Variants in PLCZ1 observed in about 807,000 individuals in gnomAD.
PLCZ1 encodes phospholipase C zeta 1.
In PLCZ1, 64 loss-of-function variants were observed where a neutral mutation model predicts 76.8. The observed-to-expected ratio is 0.83, with a 90% confidence interval of 0.68 to 1.03. The LOEUF (loss-of-function observed/expected upper bound fraction) is 1.03. PLCZ1 is among the 50% of genes least tolerant of loss of function. The pLI is 0.00. For synonymous variants in PLCZ1, 248 were observed against 230.8 expected (o/e 1.07, Z -0.68); for missense variants, 751 against 713.7 (o/e 1.05, Z -0.60).
intron 12 of PLCZ1, 77 bp from the exon 13 acceptor site, chr12:18,688,295 G>A (rs113335959): frequency 2.7e-6 from 4 of 1,462,250 alleles, no homozygotes; most frequent in Non-Finnish European, 2.8e-6. Flanking sequence ...ATTAAGTTAT[G>A]TATTACAAAA....
intron 2 of PLCZ1, chr12:18,736,817 T>G (rs1004405209): frequency 1.8e-6 from 1 of 540,596 alleles, no homozygotes; most frequent in Non-Finnish European, 3.3e-6. Context: ...CTACTTAGTG[T>G]TCAATAAATA....
At chr12:18,701,479 T>G (rs756009060) in intron 9 of PLCZ1, 22 bp downstream of exon 9, 76 of 1,613,910 alleles carry the variant, frequency 4.7e-5, no homozygotes, top group Non-Finnish European at 6.4e-5. Flanking sequence ...ACTTGTAAGA[T>G]TTTCACAAAA....
the PLCZ1 span, among the ~76,000 whole-genome samples, chr12:18,672,767 C>T: frequency 6.6e-6 from 1 of 152,150 alleles, no homozygotes; most frequent in African/African-American, 2.4e-5. Context: ...TCCCTTCAAC[C>T]TCCTGGTAGG....
rs771209382 is a variant in PLCZ1 at position 18,701,530 on chromosome 12, G to T, written c.988C>A (p.Pro330Thr). 6.2e-7 allele frequency: 1 copy of T among 1,613,674 alleles called. No homozygotes were observed. The highest frequency in any genetic ancestry group is 1.3e-5 in the African/African-American group (1 of 74,892). ...TTTTTCTTGAAAAGCATTACTCCAG[G>T]TAACTTTTTTACCCCTGTTTCCTTG... The part of the protein sequence containing the change: ...QDKETGVKKL[P>T]GVMLFKKKKT... Residue 330 changes from proline to threonine, a missense_variant, in exon 9 of 15, where the codon CCT (proline) becomes ACT (threonine). By Grantham distance (38) the Pro-to-Thr change is conservative. Coordinates refer to ENST00000266505, the MANE Select transcript of PLCZ1 (RefSeq NM_033123.4).
intron 6 of PLCZ1, among the ~76,000 whole-genome samples, chr12:18,707,141 C>T (rs1266778952): frequency 6.6e-6 from 1 of 152,182 alleles, no homozygotes; most frequent in Admixed American, 6.5e-5. Flanking sequence ...AGAATAATCT[C>T]CCCATCTAGA....
intron 3 of PLCZ1, chr12:18,730,974 A>G (rs1390513846): frequency 6.6e-6 from 1 of 152,098 alleles, no homozygotes; most frequent in African/African-American, 2.4e-5. Context: ...TTAGCCATGA[A>G]TCGATTAAAA....
Position 18,683,324 on chromosome 12 carries a change from C to A in PLCZ1, c.1742G>T (p.Gly581Val). ...YTLPLLCMNK[G>V]YRRIPLFSRM... Reference sequence around the variant, plus strand: ...GGAAAACAGAGGAATACGACGATAACCTGCAAAAGGAATTATATCTAATTA... The same window carrying A: ...GGAAAACAGAGGAATACGACGATAAACTGCAAAAGGAATTATATCTAATTA... Residue 581 changes from glycine to valine, a missense_variant and splice_region_variant, in exon 15 of 15, where the codon GGT (glycine) becomes GTT (valine). Transcript: ENST00000266505. 6.2e-7 allele frequency: 1 copy of A among 1,612,106 alleles called. No individual in the cohort carries two copies. Among genetic ancestry groups the A allele is most frequent in the Non-Finnish European group, 8.5e-7 (1 of 1,178,706 alleles).
chr12:18,704,680 T>C (rs1408461727), intron 7 of PLCZ1, among the ~76,000 whole-genome samples: 1 of 151,966 alleles, frequency 6.6e-6, no homozygotes, highest in Non-Finnish European at 1.5e-5. Context: ...GTCCTGATGG[T>C]AGATGTGGAC....
chr12:18,705,237 GCAAA>G lies in PLCZ1; in HGVS notation c.789_792del (p.Leu264ArgfsTer26). The stretch of plus-strand genomic sequence containing the variant: ...AGCAAGGACTCTCCAAAAGTAGCCT[GCAAA>G]TTGTCTGCCATTACTTCTTGTTGGG... On this transcript the variant is annotated frameshift_variant, in exon 7 of 15. Coordinates refer to ENST00000266505, the MANE Select transcript of PLCZ1 (RefSeq NM_033123.4). LOFTEE classifies it high-confidence loss of function. 1 of 1,614,020 alleles carries G rather than the reference GCAAA, an allele frequency of 6.2e-7. No individual in the cohort carries two copies. The highest frequency in any genetic ancestry group is 8.5e-7 in the Non-Finnish European group (1 of 1,179,974).
intron 3 of PLCZ1, among the ~76,000 whole-genome samples, chr12:18,729,744 TA>T (rs1958941887): frequency 6.6e-6 from 1 of 152,060 alleles, no homozygotes; most frequent in African/African-American, 2.4e-5. Flanking sequence ...TAAAGGGATT[TA>T]AAAAATCTTA....
Position 18,721,365 on chromosome 12 carries a change from C to T in PLCZ1, c.368-1733G>A, listed in dbSNP as rs546093161. 1.8e-3 allele frequency among the ~76,000 whole-genome samples: 280 copies of T among 152,014 alleles called. 1 individual carries two copies. Among genetic ancestry groups the T allele is most frequent in the Middle Eastern group, 6.8e-3 (2 of 294 alleles). On this transcript the variant is annotated intron_variant, in intron 4 of 14. Coordinates refer to ENST00000266505, the MANE Select transcript of PLCZ1 (RefSeq NM_033123.4). ...AATTCAAATTGGCCTTAATAAGACA[C>T]CAAAGTGATCAATAATCATGTAAAT...
intron 3 of PLCZ1, among the ~76,000 whole-genome samples, chr12:18,730,666 T>A (rs1329001843): frequency 6.6e-6 from 1 of 152,176 alleles, no homozygotes; most frequent in Non-Finnish European, 1.5e-5. Context: ...GCCATTTCCG[T>A]ACTTTTATAA....
At chr12:18,734,185 C>T (rs1959174870) in intron 3 of PLCZ1, among the ~76,000 whole-genome samples, 1 of 152,028 alleles carries the variant, frequency 6.6e-6, no homozygotes, top group Non-Finnish European at 1.5e-5. Context: ...TAAATTTATT[C>T]CTAAGCATTA....
chr12:18,731,374 AG>A (rs1205427861), intron 3 of PLCZ1, among the ~76,000 whole-genome samples: 2 of 152,160 alleles, frequency 1.3e-5, no homozygotes, highest in African/African-American at 4.8e-5. Context: ...CCACCATAAA[AG>A]GCCCAGGTTC....
chr12:18,662,755 T>G, the PLCZ1 span, among the ~76,000 whole-genome samples: 1 of 152,100 alleles, frequency 6.6e-6, no homozygotes, highest in East Asian at 1.9e-4. Flanking sequence ...CATATGTTAC[T>G]GAAGTTAAGC....
chr12:18,663,939 A>T, the PLCZ1 span, among the ~76,000 whole-genome samples: 1 of 152,192 alleles, frequency 6.6e-6, no homozygotes, highest in African/African-American at 2.4e-5. Flanking sequence ...TAGGCTATGG[A>T]CTTGAATAGA....
the PLCZ1 span, among the ~76,000 whole-genome samples, chr12:18,670,867 T>C: frequency 1.3e-5 from 2 of 152,046 alleles, no homozygotes; most frequent in Non-Finnish European, 2.9e-5. Context: ...AGCTTTCAAT[T>C]GGAAAAATTA....
intron 10 of PLCZ1, among the ~76,000 whole-genome samples, chr12:18,699,264 T>G (rs1289421729): frequency 6.6e-6 from 1 of 152,180 alleles, no homozygotes; most frequent in East Asian, 1.9e-4. Flanking sequence ...TGATTAACCC[T>G]ACCCTCTTCA....
intron 7 of PLCZ1, among the ~76,000 whole-genome samples, chr12:18,702,882 A>T (rs10770386): frequency 0.47 from 68,021 of 144,766 alleles, 17,665 homozygotes; most frequent in South Asian, 0.61. Context: ...GTGCAGTGAC[A>T]TGATCTCAGC....
Sources: allele counts gnomAD v4.1 joint callset (sites outside exome capture counted in the v4.1 genomes callset), GRCh38; gene constraint gnomAD v4.1.1; transcripts MANE v1.5; gene names NCBI Gene and HGNC (gene_info 2026-07-23, HGNC 2026-07-21).